The following CCDC88A variants were observed in gnomAD, a reference collection of about 807,000 sequenced individuals.
CCDC88A encodes the protein girdin.
Under a neutral mutation model 234.3 loss-of-function variants are expected in CCDC88A, and 54 were observed. The ratio of observed to expected loss-of-function variants is 0.23; its 90% CI spans 0.19 to 0.29. The LOEUF (loss-of-function observed/expected upper bound fraction) is 0.29. CCDC88A is among the 10% of genes least tolerant of loss of function. CCDC88A has a pLI of 1.00. For missense variants in CCDC88A, 1,832 were observed against 2,123.4 expected (o/e 0.86, Z 2.70); for synonymous variants, 753 against 737.8 (o/e 1.02, Z -0.33).
chr2:55,376,996 A>C (rs1673750931), intron 3 of CCDC88A, among the ~76,000 whole-genome samples: 1 of 151,890 alleles, frequency 6.6e-6, no homozygotes, highest in Non-Finnish European at 1.5e-5. Flanking sequence ...ATGCCTGGCT[A>C]ATTTTTTTTG....
chr2:55,346,332 T>A lies in CCDC88A; in HGVS notation c.884A>T (p.Asn295Ile), dbSNP rs1356281054. 6.4e-7 allele frequency: 1 copy of A among 1,558,550 alleles called. No individual in the cohort carries two copies. The highest frequency in any genetic ancestry group is 8.7e-7 in the Non-Finnish European group (1 of 1,149,208). Reference sequence around the variant, plus strand: ...GCGAGCATCCGAAAGCAAATTCATGTTCTAAACAAAAATTTAAAATTATAT... The same window carrying A: ...GCGAGCATCCGAAAGCAAATTCATGATCTAAACAAAAATTTAAAATTATAT... ...EIELKRLQQE[N>I]MNLLSDARSA... Residue 295 changes from asparagine (N) to isoleucine (I), a missense_variant and splice_region_variant, in exon 10 of 33, where the codon AAC (asparagine) becomes ATC (isoleucine). Physicochemically the swap from Asn to Ile is moderately radical, Grantham distance 149. Coordinates refer to ENST00000436346, the MANE Select transcript of CCDC88A (RefSeq NM_001365480.1).
Position 55,319,359 on chromosome 2 carries a change from C to A in CCDC88A, c.3163-355G>T, listed in dbSNP as rs564716381. 2.0e-5 allele frequency among the ~76,000 whole-genome samples: 3 copies of A among 152,196 alleles called. No individual in the cohort carries two copies. The East Asian group carries it at 5.8e-4, about 29-fold the overall frequency. On this transcript the variant is annotated intron_variant, in intron 18 of 32. Transcript: ENST00000436346. ...ATACTGCTTGAAGGTTCCCAGAATG[C>A]CCAGAATAAATGGGGCTGTGTCCAA...
chr2:55,303,218 A>T (rs1157522628), intron 25 of CCDC88A, 66 bp from the exon 26 acceptor site: 2 of 921,538 alleles, frequency 2.2e-6, no homozygotes, highest in Non-Finnish European at 3.5e-6. Context: ...AGAAGAACAG[A>T]TGGGAGTTAA....
intron 2 of CCDC88A, among the ~76,000 whole-genome samples, chr2:55,410,136 CT>C: frequency 6.6e-6 from 1 of 152,196 alleles, no homozygotes; most frequent in Non-Finnish European, 1.5e-5. Flanking sequence ...ACACAGGCCT[CT>C]TTCCTAGGTC....
chr2:55,380,117 T>C (rs1303696148), intron 3 of CCDC88A, among the ~76,000 whole-genome samples: 1 of 143,668 alleles, frequency 7.0e-6, no homozygotes, highest in Non-Finnish European at 1.5e-5. Flanking sequence ...ACACCTGTCA[T>C]CCCAGCTACT....
chr2:55,348,580 A>G (rs894905569), intron 9 of CCDC88A: 3 of 152,190 alleles, frequency 2.0e-5, no homozygotes, highest in Admixed American at 6.6e-5. Context: ...GCCAGACTTA[A>G]GTTTTTAAAA....
intron 31 of CCDC88A, chr2:55,294,618 A>C: frequency 3.1e-6 from 3 of 970,762 alleles, no homozygotes; most frequent in Non-Finnish European, 3.7e-6. Context: ...GAAGAAAAAA[A>C]GGAGTGACAG....
intron 29 of CCDC88A, chr2:55,297,290 TA>T (rs1332147597): frequency 2.6e-5 from 3 of 113,282 alleles, no homozygotes; most frequent in Non-Finnish European, 3.4e-5. Context: ...ATATAATATA[TA>T]TAATTTATAT....
At chr2:55,296,170 TA>T in intron 30 of CCDC88A, 87 bp downstream of exon 30, 1 of 525,758 alleles carries the variant, frequency 1.9e-6, no homozygotes. Flanking sequence ...CTCCTTAACT[TA>T]CCAAAAAAAA....
chr2:55,349,451 T>G (rs1485018350), intron 9 of CCDC88A, 67 bp downstream of exon 9: 6 of 1,150,896 alleles, frequency 5.2e-6, no homozygotes, highest in Non-Finnish European at 7.8e-6. Context: ...AGGTTATAAA[T>G]TACAAGGAAG....
chr2:55,345,997 C>T (rs1018807784), intron 10 of CCDC88A, 178 bp downstream of exon 10: 7 of 464,124 alleles, frequency 1.5e-5, no homozygotes, highest in African/African-American at 1.2e-4. Flanking sequence ...CCATAGATCC[C>T]TTTTGTAAAA....
chr2:55,311,089 T>C (rs1014624235), intron 23 of CCDC88A, among the ~76,000 whole-genome samples: 3 of 152,182 alleles, frequency 2.0e-5, no homozygotes, highest in Non-Finnish European at 2.9e-5. Flanking sequence ...AGGGTCAGAA[T>C]AGTAAGACAA....
At chr2:55,412,254 T>G (rs1368369263) in intron 2 of CCDC88A, among the ~76,000 whole-genome samples, 2 of 152,170 alleles carry the variant, frequency 1.3e-5, no homozygotes, top group East Asian at 3.8e-4. Context: ...GCTACGCAGG[T>G]GAAGGTACTT....
chr2:55,406,139 C>G (rs1278544778), intron 2 of CCDC88A: 2 of 136,626 alleles, frequency 1.5e-5, no homozygotes, highest in Non-Finnish European at 3.1e-5. Context: ...GTAGCCTGGG[C>G]AACAGAGTGA....
rs1325568914 is a variant in CCDC88A, at chr2:55,354,813, C to T, written c.800+766G>A. Among the ~76,000 whole-genome samples the T allele has an allele frequency of 4.0e-5, 6 of 151,452 alleles. No homozygotes were observed. In the East Asian group the frequency reaches 7.8e-4, roughly 20 times the overall value. ...AACTCCTGACCTCAGGCAATCCGCC[C>T]GCCTCAGCCTCCCAAAGTGCTGGGA... On this transcript the variant is annotated intron_variant, in intron 8 of 32. Transcript: ENST00000436346.
chr2:55,315,202 T>C (rs998308351), intron 22 of CCDC88A: 2 of 152,266 alleles, frequency 1.3e-5, no homozygotes, highest in Non-Finnish European at 2.9e-5. Context: ...ATGGGGCTTT[T>C]CTATGCTCTG....
chr2:55,345,212 C>T (rs1668950369), intron 10 of CCDC88A: 1 of 152,126 alleles, frequency 6.6e-6, no homozygotes, highest in Admixed American at 6.6e-5. Flanking sequence ...TGTACTTTAT[C>T]TCTACAGTCC....
intron 5 of CCDC88A, among the ~76,000 whole-genome samples, chr2:55,367,253 G>C (rs1672111311): frequency 6.6e-6 from 1 of 152,200 alleles, no homozygotes; most frequent in African/African-American, 2.4e-5. Flanking sequence ...TGGTAACAAA[G>C]GGAGTCATCA....
At chr2:55,368,849 A>C (rs754131190) in intron 5 of CCDC88A, among the ~76,000 whole-genome samples, 3 of 152,212 alleles carry the variant, frequency 2.0e-5, no homozygotes, top group African/African-American at 7.2e-5. Flanking sequence ...GACATTTTAC[A>C]AAATATTCCA....
Sources: gnomAD v4.1 joint callset for allele counts (sites outside exome capture counted in the v4.1 genomes callset) on GRCh38, gnomAD v4.1.1 for gene constraint, MANE v1.5 for transcripts, NCBI Gene and HGNC (gene_info 2026-07-23, HGNC 2026-07-21) for gene names.